ABLIM2: variants seen among roughly 807,000 people sequenced by gnomAD.
ABLIM2 encodes actin binding LIM protein family member 2, also known as actin-binding LIM protein 2.
ABLIM2 carries 53 observed loss-of-function variants against 97.7 expected under a neutral mutation model. The ratio of observed to expected loss-of-function variants is 0.54; its 90% confidence interval spans 0.44 to 0.68. The LOEUF is 0.68. ABLIM2 is among the 30% of genes least tolerant of loss of function. The pLI is 0.00. For missense variants in ABLIM2, 835 were observed against 867.2 expected, an observed-to-expected ratio of 0.96 and a Z score of 0.47; for synonymous variants, 361 against 345.8, an observed-to-expected ratio of 1.04 and a Z score of -0.49.
rs144965232 is a variant in ABLIM2, at chr4:8,096,561, C to T, written c.338+538G>A. 2.5e-3 allele frequency among the ~76,000 whole-genome samples: 384 copies of T among 152,354 alleles called. 1 individual carries two copies. The highest frequency in any genetic ancestry group is 9.0e-3 in the African/African-American group (375 of 41,578). ...CTGTCTCCGGCACACGCTGTAACCA[C>T]AGGGAACTGCTTTGGAAACAACATT... is the stretch of plus-strand genomic sequence containing the variant. On this transcript the variant is annotated intron_variant, in intron 3 of 20. Coordinates refer to ENST00000447017, the MANE Select transcript of ABLIM2 (RefSeq NM_001130083.2).
chr4:8,070,882 G>A (rs1194233306), intron 6 of ABLIM2, among the ~76,000 whole-genome samples: 1 of 152,100 alleles, frequency 6.6e-6, no homozygotes. Flanking sequence ...CCGGGGAGAC[G>A]GCCCCTGCAC....
In ABLIM2 at chr4:7,992,846, A is replaced by G; in HGVS notation, c.1680+20T>C. On this transcript the variant is annotated intron_variant, in intron 17 of 20. Transcript: ENST00000447017. The surrounding 1 kb of genome is among the most constrained non-coding windows in gnomAD (Gnocchi z 5.7). ...CAGCAATCGTTAGTACCCTGTGGCC[A>G]GGGAGGGGTCAGTACCTACCCGCTG... 6.2e-7 allele frequency: 1 copy of G among 1,610,306 alleles called. No individual in the cohort carries two copies. Among genetic ancestry groups the G allele is most frequent in the Non-Finnish European group, 8.5e-7 (1 of 1,178,176 alleles).
In ABLIM2 at chr4:7,966,592, A is replaced by C. The variant is rs9995427; in HGVS notation, c.*398T>G. 165,127 of 183,324 alleles carry C rather than the reference A, an allele frequency of 0.9. 74,651 individuals are homozygous for C. The highest frequency in any genetic ancestry group is 1 in the East Asian group (6,982 of 7,004). The allele number at this position is 183,324 out of a possible 1,614,324, so 11.4% of individuals were successfully genotyped here. A position where few individuals can be genotyped will look rare whatever the true frequency, so the allele number is the denominator to read the frequency against. ...CCCACCCCCGATGATGGTGTCAGCA[A>C]CCATCATCAACAAGCCTCACAGCTC... On this transcript the variant is annotated 3_prime_UTR_variant, in exon 21 of 21. Transcript: ENST00000447017.
chr4:8,123,285 G>A lies in ABLIM2; in HGVS notation c.11-16648C>T, dbSNP rs543226979. ...ACAGCACCAGCCCCATCTCCAACTGGCATGAGAGGCGTTGTCACCCTCAGG... is the reference window on the plus strand; with the variant it reads ...ACAGCACCAGCCCCATCTCCAACTGACATGAGAGGCGTTGTCACCCTCAGG... On this transcript the variant is annotated intron_variant, in intron 1 of 20. Transcript: ENST00000447017. The surrounding 1 kb of genome is among the most constrained non-coding windows in gnomAD (Gnocchi z 6.2). Among the ~76,000 whole-genome samples, 1 of 152,266 alleles carries A rather than the reference G, an allele frequency of 6.6e-6. No homozygotes were observed. Among genetic ancestry groups the A allele is most frequent in the African/African-American group, 2.4e-5 (1 of 41,550 alleles).
At chr4:8,042,766 G>A (rs535938838) in intron 9 of ABLIM2, among the ~76,000 whole-genome samples, 1 of 151,670 alleles carries the variant, frequency 6.6e-6, no homozygotes, top group African/African-American at 2.4e-5. Context: ...TTGAACCCAG[G>A]GGGTGGAGGT....
chr4:8,107,595 G>A (rs892092385), intron 1 of ABLIM2, among the ~76,000 whole-genome samples: 1 of 152,166 alleles, frequency 6.6e-6, no homozygotes, highest in African/African-American at 2.4e-5. Context: ...GTGCTGGCCT[G>A]TGAGAGTGAA....
chr4:8,118,206 C>T (rs1157778621), intron 1 of ABLIM2, among the ~76,000 whole-genome samples: 2 of 152,228 alleles, frequency 1.3e-5, no homozygotes, highest in Non-Finnish European at 2.9e-5. Context: ...ATGAGCTCAA[C>T]ACACGCCAGG....
intron 1 of ABLIM2, among the ~76,000 whole-genome samples, chr4:8,157,142 C>A (rs1474197548): frequency 2.6e-5 from 4 of 152,220 alleles, no homozygotes; most frequent in Non-Finnish European, 5.9e-5. Context: ...GACCACCAGG[C>A]AGTCACCATG....
rs567067366 is a variant in ABLIM2 at position 8,149,646 on chromosome 4, T to C, written c.10+9034A>G. On this transcript the variant is annotated intron_variant, in intron 1 of 20. Coordinates refer to ENST00000447017, the MANE Select transcript of ABLIM2 (RefSeq NM_001130083.2). The surrounding 1 kb of genome is among the most constrained non-coding windows in gnomAD (Gnocchi z 6.4). ...AGGCGGCAGGAAGAATGCAAGGCTG[T>C]TGGGGGATCAGGGCAAAGACAGCAC... is the stretch of plus-strand genomic sequence containing the variant. Among the ~76,000 whole-genome samples, 1 of 151,756 alleles carries C rather than the reference T, an allele frequency of 6.6e-6. No individual in the cohort carries two copies. The highest frequency in any genetic ancestry group is 1.5e-5 in the Non-Finnish European group (1 of 67,902).
In ABLIM2 at chr4:8,099,585, C is replaced by T. The variant is rs554782678; in HGVS notation, c.155-2303G>A. On this transcript the variant is annotated intron_variant, in intron 2 of 20. Transcript: ENST00000447017. ...CTCTGACTGGGCACGGTGGCTCACA[C>T]CCGTAATCCCAACACTTTGGGAGGC... Among the ~76,000 whole-genome samples the T allele has an allele frequency of 2.6e-5, 4 of 152,330 alleles. No homozygotes were observed. In the East Asian group the frequency reaches 7.7e-4, roughly 29 times the overall value.
chr4:8,077,052 G>A (rs564470769), intron 6 of ABLIM2, among the ~76,000 whole-genome samples: 1 of 146,226 alleles, frequency 6.8e-6, no homozygotes, highest in African/African-American at 2.6e-5. Flanking sequence ...CAGGATGGGG[G>A]TTGGGGGTCT....
intron 8 of ABLIM2, among the ~76,000 whole-genome samples, chr4:8,053,543 C>A (rs1396378435): frequency 6.6e-6 from 1 of 152,126 alleles, no homozygotes; most frequent in Non-Finnish European, 1.5e-5. Flanking sequence ...CTGTTTGGGC[C>A]CCCTAACACT....
intron 1 of ABLIM2, among the ~76,000 whole-genome samples, chr4:8,145,000 C>T (rs1451969497): frequency 2.6e-5 from 4 of 152,110 alleles, no homozygotes; most frequent in African/African-American, 9.7e-5. Context: ...CAGTGGGAAG[C>T]CCACCTCCCA....
chr4:8,075,479 G>T lies in ABLIM2; in HGVS notation c.675+2149C>A, dbSNP rs569705447. Among the ~76,000 whole-genome samples the T allele has an allele frequency of 8.5e-5, 13 of 152,286 alleles. No homozygotes were observed. The East Asian group carries it at 2.5e-3, about 29-fold the overall frequency. On this transcript the variant is annotated intron_variant, in intron 6 of 20. Transcript: ENST00000447017. This position sits in a 1 kb window ranked among gnomAD's most constrained non-coding sequence, Gnocchi z 4.4. ...CGGTGAAGGCAGGTGAATTGCTTAAGTTCAGGAGCTCGAGACCAGCTTGGG... is the reference window on the plus strand; with the variant it reads ...CGGTGAAGGCAGGTGAATTGCTTAATTTCAGGAGCTCGAGACCAGCTTGGG...
At chr4:8,115,320 A>T (rs1202776867) in intron 1 of ABLIM2, among the ~76,000 whole-genome samples, 3 of 152,062 alleles carry the variant, frequency 2.0e-5, no homozygotes, top group Non-Finnish European at 4.4e-5. Context: ...CCAGCTCATG[A>T]GGGGAATCAC....
chr4:8,149,294 T>A lies in ABLIM2; in HGVS notation c.10+9386A>T, dbSNP rs1711752269. ...GCAAAATCCTTCACATAGTCGCATA[T>A]GAACAGTCATTTTGCCGCATGAGGT... On this transcript the variant is annotated intron_variant, in intron 1 of 20. Transcript: ENST00000447017. The surrounding 1 kb of genome is among the most constrained non-coding windows in gnomAD (Gnocchi z 6.4). Among the ~76,000 whole-genome samples the A allele has an allele frequency of 6.6e-6, 1 of 152,150 alleles. No homozygotes were observed. Among genetic ancestry groups the A allele is most frequent in the Non-Finnish European group, 1.5e-5 (1 of 68,022 alleles).
At chr4:7,984,773 G>A in intron 18 of ABLIM2, 66 bp downstream of exon 18, 1 of 1,491,372 alleles carries the variant, frequency 6.7e-7, no homozygotes, top group South Asian at 1.3e-5. Flanking sequence ...TTCAGAACAA[G>A]TCTTGTGGAA....
chr4:8,044,239 G>A lies in ABLIM2; in HGVS notation c.900+925C>T, dbSNP rs1042459126. On this transcript the variant is annotated intron_variant, in intron 9 of 20. Coordinates refer to ENST00000447017, the MANE Select transcript of ABLIM2 (RefSeq NM_001130083.2). The surrounding 1 kb of genome is among the most constrained non-coding windows in gnomAD (Gnocchi z 4.4). The stretch of plus-strand genomic sequence containing the variant: ...GGTCCTGGCCTGGCGGGGACGGGGA[G>A]GGGAGAAGGGGCTTGTCCCAGTCAC... Among the ~76,000 whole-genome samples, 4 of 152,144 alleles carry A rather than the reference G, an allele frequency of 2.6e-5. No homozygotes were observed. The highest frequency in any genetic ancestry group is 5.9e-5 in the Non-Finnish European group (4 of 68,018).
chr4:8,043,760 G>A lies in ABLIM2; in HGVS notation c.900+1404C>T, dbSNP rs540577418. On this transcript the variant is annotated intron_variant, in intron 9 of 20. Transcript: ENST00000447017. The surrounding 1 kb of genome is among the most constrained non-coding windows in gnomAD (Gnocchi z 4.8). ...GAGGCTGACACAGATGATGGTAACA[G>A]TAACGGCAGCAAGCGTTTCCCACAG... Among the ~76,000 whole-genome samples the A allele has an allele frequency of 1.5e-4, 23 of 152,342 alleles. No individual in the cohort carries two copies. Among genetic ancestry groups the A allele is most frequent in the Admixed American group, 1.1e-3 (17 of 15,306 alleles).
Sources: gnomAD v4.1 joint callset for allele counts (sites outside exome capture counted in the v4.1 genomes callset) on GRCh38, gnomAD v4.1.1 for gene constraint, Gnocchi (gnomAD v3.1) non-coding constraint, MANE v1.5 for transcripts, NCBI Gene and HGNC (gene_info 2026-07-23, HGNC 2026-07-21) for gene names.